The following STK3 variants were observed in gnomAD, a reference collection of about 807,000 sequenced individuals.
The protein encoded by STK3 is serine/threonine kinase 3, also known as serine/threonine-protein kinase 3.
Under a neutral mutation model 58.0 loss-of-function variants are expected in STK3, and 41 were observed. The observed-to-expected ratio is 0.71, with a 90% CI of 0.55 to 0.92. STK3 has a LOEUF of 0.92. Ranked by LOEUF, STK3 falls within the 40% of genes least tolerant of loss-of-function variation. The pLI is 0.00. For synonymous variants in STK3, 170 were observed against 191.0 expected, an observed-to-expected ratio of 0.89 and a Z score of 0.91; for missense variants, 479 against 602.7, an observed-to-expected ratio of 0.79 and a Z score of 2.15.
intron 1 of STK3, among the ~76,000 whole-genome samples, chr8:98,931,118 A>G (rs1420547828): frequency 2.0e-5 from 3 of 152,164 alleles, no homozygotes; most frequent in Non-Finnish European, 4.4e-5. Flanking sequence ...GGCTGAGCTC[A>G]AGTGCAACCA....
chr8:98,875,878 T>C (rs943771979), intron 3 of STK3, among the ~76,000 whole-genome samples: 4 of 152,188 alleles, frequency 2.6e-5, no homozygotes, highest in Non-Finnish European at 4.4e-5. Flanking sequence ...ACAGTAGAGA[T>C]AGGGGTAGGA....
At chr8:98,819,187 T>C (rs1021459923) in intron 1 of STK3, among the ~76,000 whole-genome samples, 8 of 152,174 alleles carry the variant, frequency 5.3e-5, no homozygotes, top group Non-Finnish European at 8.8e-5. Context: ...CACACAATCA[T>C]GGCTCATTGC....
intron 1 of STK3, among the ~76,000 whole-genome samples, chr8:98,910,455 T>G (rs978714195): frequency 6.6e-6 from 1 of 152,180 alleles, no homozygotes; most frequent in Non-Finnish European, 1.5e-5. Flanking sequence ...CAAACTAACA[T>G]GTCTTCCCTA....
upstream of STK3, among the ~76,000 whole-genome samples, chr8:98,826,078 C>T (rs184299813): frequency 2.1e-4 from 32 of 152,214 alleles, no homozygotes; most frequent in East Asian, 5.8e-3. Flanking sequence ...AGCTAGGGGG[C>T]GAGGCCGGAG....
At chr8:98,619,317 A>G (rs1818047839) in intron 6 of STK3, among the ~76,000 whole-genome samples, 1 of 151,744 alleles carries the variant, frequency 6.6e-6, no homozygotes, top group South Asian at 2.1e-4. Flanking sequence ...AATCAATTCA[A>G]GATGGAGTAA....
At chr8:98,362,985 A>G in the STK3 span, among the ~76,000 whole-genome samples, 1 of 152,216 alleles carries the variant, frequency 6.6e-6, no homozygotes, top group African/African-American at 2.4e-5. Context: ...CACAATCATT[A>G]TCAGTCTCTC....
Position 98,800,698 on chromosome 8 carries a change from G to A in STK3, c.26+24817C>T, listed in dbSNP as rs186293209. ...GCACTCAGAGTGGCCAGCTGATGCC[G>A]CCAGCCCTGGGCAGTGAAGGGCTTA... On this transcript the variant is annotated intron_variant, in intron 1 of 10. Coordinates refer to ENST00000419617, the MANE Select transcript of STK3 (RefSeq NM_006281.4). This position sits in a 1 kb window ranked among gnomAD's most constrained non-coding sequence, Gnocchi z 4.8. 1.4e-4 allele frequency among the ~76,000 whole-genome samples: 22 copies of A among 152,300 alleles called. No individual in the cohort carries two copies. The highest frequency in any genetic ancestry group is 5.8e-4 in the East Asian group (3 of 5,174).
intron 3 of STK3, among the ~76,000 whole-genome samples, chr8:98,851,031 A>AT (rs1397053522): frequency 3.3e-5 from 5 of 151,772 alleles, no homozygotes; most frequent in East Asian, 1.9e-4. Context: ...CTCCTAGGAG[A>AT]TTTTCTCTGC....
At chr8:98,484,789 CAAAT>C (rs1373130171) in intron 10 of STK3, among the ~76,000 whole-genome samples, 2 of 151,984 alleles carry the variant, frequency 1.3e-5, no homozygotes, top group Admixed American at 6.6e-5. Flanking sequence ...CTTGTTATGA[CAAAT>C]AATATCTATA....
chr8:98,511,297 T>C (rs1824496439), intron 10 of STK3, among the ~76,000 whole-genome samples: 1 of 151,990 alleles, frequency 6.6e-6, no homozygotes, highest in Non-Finnish European at 1.5e-5. Flanking sequence ...TTTAAAAATA[T>C]AACAATGTAA....
At chr8:98,454,224 C>T (rs763736385), downstream of STK3, among the ~76,000 whole-genome samples, 3 of 152,174 alleles carry the variant, frequency 2.0e-5, no homozygotes, top group Non-Finnish European at 4.4e-5. Context: ...TGTTCTCTCC[C>T]CTCCAGCTAC....
At chr8:98,713,153 A>T (rs1262321376) in intron 4 of STK3, among the ~76,000 whole-genome samples, 1 of 152,212 alleles carries the variant, frequency 6.6e-6, no homozygotes, top group Non-Finnish European at 1.5e-5. Flanking sequence ...AGGGAAATTT[A>T]TAGCACTAAA....
rs146881651 is a variant in STK3, at chr8:98,741,210, T to G, written c.351+8066A>C. Among the ~76,000 whole-genome samples, 1,010 of 152,190 alleles carry G rather than the reference T, an allele frequency of 6.6e-3. 5 individuals are homozygous for G. Among genetic ancestry groups the G allele is most frequent in the African/African-American group, 0.023 (961 of 41,536 alleles). Reference sequence around the variant, plus strand: ...ACCAGACAGAAAGTTAACAAGGATATCCAGGAATTGAACTCAGCTGTGTAC... The same window carrying G: ...ACCAGACAGAAAGTTAACAAGGATAGCCAGGAATTGAACTCAGCTGTGTAC... On this transcript the variant is annotated intron_variant, in intron 4 of 10. Transcript: ENST00000419617.
At position 98,620,646 on chromosome 8, in the gene STK3, A is replaced by T. The variant is rs186479196; in HGVS notation, c.685-24477T>A. On this transcript the variant is annotated intron_variant, in intron 6 of 10. Coordinates refer to ENST00000419617, the MANE Select transcript of STK3 (RefSeq NM_006281.4). ...ACTTGAAGAGCCTAGACAAAGAAGA[A>T]CAAAAATAAATGCAAGACAAGAAGA... Among the ~76,000 whole-genome samples, 886 of 151,702 alleles carry T rather than the reference A, an allele frequency of 5.8e-3. 6 individuals are homozygous for T. The highest frequency in any genetic ancestry group is 0.02 in the African/African-American group (831 of 41,514).
At chr8:98,625,825 C>A (rs1441143645) in intron 6 of STK3, among the ~76,000 whole-genome samples, 1 of 152,148 alleles carries the variant, frequency 6.6e-6, no homozygotes, top group Non-Finnish European at 1.5e-5. Context: ...GAAAAAACAT[C>A]CACAGCAGCT....
intron 6 of STK3, among the ~76,000 whole-genome samples, chr8:98,632,369 A>G (rs1005051103): frequency 1.3e-5 from 2 of 152,200 alleles, no homozygotes; most frequent in Non-Finnish European, 2.9e-5. Context: ...ATAAAACTAT[A>G]TAATTAAGCA....
chr8:98,884,972 A>C (rs568877816), intron 1 of STK3, among the ~76,000 whole-genome samples: 1 of 152,276 alleles, frequency 6.6e-6, no homozygotes, highest in Non-Finnish European at 1.5e-5. Context: ...ACACTGCAAT[A>C]CCATCTTCCA....
At chr8:98,650,513 T>C (rs935090485) in intron 6 of STK3, among the ~76,000 whole-genome samples, 2 of 152,222 alleles carry the variant, frequency 1.3e-5, no homozygotes. Context: ...CAGCGCACCA[T>C]GCGCGAGCCA....
Position 98,585,972 on chromosome 8 carries a change from C to T in STK3, c.823-6183G>A, listed in dbSNP as rs566450436. 2.1e-4 allele frequency among the ~76,000 whole-genome samples: 32 copies of T among 152,270 alleles called. No individual in the cohort carries two copies. In the East Asian group the frequency reaches 5.8e-3, roughly 28 times the overall value. On this transcript the variant is annotated intron_variant, in intron 7 of 10. Coordinates refer to ENST00000419617, the MANE Select transcript of STK3 (RefSeq NM_006281.4). ...GTATCCTGAAACTTTGCTGAAGTTG[C>T]TTATCAGCTTAAGGAGATTTTGGGC... is the stretch of plus-strand genomic sequence containing the variant.
Sources: gnomAD v4.1 joint callset for allele counts (sites outside exome capture counted in the v4.1 genomes callset) on GRCh38, gnomAD v4.1.1 for gene constraint, Gnocchi (gnomAD v3.1) non-coding constraint, MANE v1.5 for transcripts, NCBI Gene and HGNC (gene_info 2026-07-23, HGNC 2026-07-21) for gene names.